Variants in NR2C2 observed in about 807,000 individuals in gnomAD.
The protein encoded by NR2C2 is Nuclear hormone receptor TR4.
NR2C2 carries 6 observed loss-of-function variants against 62.9 expected under a neutral mutation model. That is an observed-to-expected ratio of 0.10 (90% CI 0.05 to 0.19). The LOEUF (loss-of-function observed/expected upper bound fraction) is 0.19. Ranked by LOEUF, NR2C2 falls within the 10% of genes least tolerant of loss-of-function variation. The pLI is 1.00. For synonymous variants in NR2C2, 272 were observed against 273.8 expected (o/e 0.99, Z 0.07); for missense variants, 479 against 762.7 (o/e 0.63, Z 4.38).
intron 1 of NR2C2, among the ~76,000 whole-genome samples, chr3:14,964,503 CTATTTTATATTTTT>C (rs756707274): frequency 2.2e-4 from 34 of 151,594 alleles, no homozygotes; most frequent in Admixed American, 1.3e-3. Flanking sequence ...TTTTTATTTT[CTATTTTATATTTTT>C]TATTTTTTAT....
chr3:14,992,408 G>A (rs2040697230), intron 1 of NR2C2, among the ~76,000 whole-genome samples: 1 of 152,160 alleles, frequency 6.6e-6, no homozygotes, highest in Non-Finnish European at 1.5e-5. Flanking sequence ...GTAGAGTAAA[G>A]CAAAGCAAAG....
chr3:15,026,655 T>C (rs1057237347), intron 7 of NR2C2: 3 of 152,210 alleles, frequency 2.0e-5, no homozygotes, highest in African/African-American at 4.8e-5. Flanking sequence ...CATCATGATA[T>C]AGCATGTATC....
At chr3:15,030,029 A>C (rs1025941348) in intron 8 of NR2C2, among the ~76,000 whole-genome samples, 1 of 152,082 alleles carries the variant, frequency 6.6e-6, no homozygotes, top group Non-Finnish European at 1.5e-5. Flanking sequence ...TAATACATAC[A>C]AGTTTTCATT....
Position 15,029,832 on chromosome 3 carries a change from GATAGATAGAT to G in NR2C2, c.933-433_933-424del, listed in dbSNP as rs1178726820. 7.3e-3 allele frequency among the ~76,000 whole-genome samples: 911 copies of G among 124,468 alleles called. 13 individuals are homozygous for G. Among genetic ancestry groups the G allele is most frequent in the African/African-American group, 0.028 (815 of 28,954 alleles). The allele number at this position is 124,468 out of a possible 152,430, so 81.7% of individuals were successfully genotyped here. The stretch of plus-strand genomic sequence containing the variant: ...AGATAGATAGATAGATAGATAGATA[GATAGATAGAT>G]ATAGATAGACCCCATCTCTGAAAGA... On this transcript the variant is annotated intron_variant, in intron 8 of 13. Coordinates refer to ENST00000425241, the MANE Select transcript of NR2C2 (RefSeq NM_001291694.2).
chr3:14,958,876 T>G (rs1400288467), intron 1 of NR2C2, among the ~76,000 whole-genome samples: 1 of 152,228 alleles, frequency 6.6e-6, no homozygotes, highest in Admixed American at 6.5e-5. Context: ...CTGGGGAGGC[T>G]GAGGCAGGAG....
intron 4 of NR2C2, among the ~76,000 whole-genome samples, 167 bp downstream of exon 4, chr3:15,016,421 T>C (rs1042392514): frequency 2.6e-5 from 4 of 152,184 alleles, no homozygotes; most frequent in East Asian, 3.8e-4. Flanking sequence ...ATAAGTAAGG[T>C]AGTTTGTCAG....
At chr3:14,977,740 G>A (rs2040247468) in intron 1 of NR2C2, among the ~76,000 whole-genome samples, 1 of 151,954 alleles carries the variant, frequency 6.6e-6, no homozygotes, top group African/African-American at 2.4e-5. Flanking sequence ...CGAGGCGGGC[G>A]GATTGCCTGA....
chr3:14,973,612 T>C (rs1463771727), intron 1 of NR2C2, among the ~76,000 whole-genome samples: 1 of 151,684 alleles, frequency 6.6e-6, no homozygotes, highest in Non-Finnish European at 1.5e-5. Context: ...TATACGGTAT[T>C]GTATAAGGAG....
At chr3:14,979,358 A>C (rs1479564728) in intron 1 of NR2C2, among the ~76,000 whole-genome samples, 1 of 152,230 alleles carries the variant, frequency 6.6e-6, no homozygotes, top group Non-Finnish European at 1.5e-5. Context: ...CCATTCAGCA[A>C]CTGTTTAAGG....
At chr3:14,994,427 T>A (rs148020387) in intron 1 of NR2C2, among the ~76,000 whole-genome samples, 7 of 149,608 alleles carry the variant, frequency 4.7e-5, no homozygotes, top group Non-Finnish European at 8.9e-5. Flanking sequence ...TCGTTGTTGT[T>A]GTTTATTCAT....
intron 8 of NR2C2, among the ~76,000 whole-genome samples, chr3:15,028,974 A>C (rs2041895991): frequency 6.6e-6 from 1 of 152,202 alleles, no homozygotes; most frequent in Non-Finnish European, 1.5e-5. Flanking sequence ...AAATCAGTAG[A>C]CATAGGAGGA....
chr3:15,001,318 GTTTT>G (rs61017075), intron 1 of NR2C2, among the ~76,000 whole-genome samples: 158 of 97,512 alleles, frequency 1.6e-3, no homozygotes, highest in Middle Eastern at 8.3e-3. Flanking sequence ...TTTGTTTTGG[GTTTT>G]TTTTTTTTTT....
Position 15,014,638 on chromosome 3 carries a change from T to A in NR2C2, c.273+849T>A, listed in dbSNP as rs141026812. Among the ~76,000 whole-genome samples the A allele has an allele frequency of 2.4e-3, 362 of 152,244 alleles. 1 individual carries two copies. The highest frequency in any genetic ancestry group is 3.5e-3 in the Non-Finnish European group (236 of 68,014). On this transcript the variant is annotated intron_variant, in intron 3 of 13. Coordinates refer to ENST00000425241, the MANE Select transcript of NR2C2 (RefSeq NM_001291694.2). ...AAGCTGAAACTCTGTACTCATTGAA[T>A]AGTAACTCTCCTCTCCCCCTCCCCC...
chr3:14,996,119 T>G (rs1481262218), intron 1 of NR2C2, among the ~76,000 whole-genome samples: 1 of 152,238 alleles, frequency 6.6e-6, no homozygotes, highest in East Asian at 1.9e-4. Flanking sequence ...TTGTATCAGT[T>G]TTCTTTTTCA....
chr3:15,038,942 C>T, intron 12 of NR2C2, 180 bp from the exon 13 acceptor site: 3 of 595,664 alleles, frequency 5.0e-6, no homozygotes, highest in Non-Finnish European at 9.0e-6. Context: ...GAACTTCAGG[C>T]CTGGGCAGAA....
intron 1 of NR2C2, among the ~76,000 whole-genome samples, chr3:14,965,418 T>G (rs778780461): frequency 5.3e-5 from 8 of 150,992 alleles, no homozygotes; most frequent in Admixed American, 2.7e-4. Flanking sequence ...GTTCTTTGTA[T>G]GCATTCAAGA....
intron 9 of NR2C2, among the ~76,000 whole-genome samples, chr3:15,031,736 A>ATT (rs879807168): frequency 6.9e-6 from 1 of 145,952 alleles, no homozygotes; most frequent in Non-Finnish European, 1.5e-5. Flanking sequence ...TGTTACCCAG[A>ATT]TTTTTTTTTT....
intron 1 of NR2C2, among the ~76,000 whole-genome samples, chr3:14,974,101 C>T (rs1183744665): frequency 2.0e-5 from 3 of 152,142 alleles, no homozygotes; most frequent in Admixed American, 6.6e-5. Flanking sequence ...CTCCCCAATG[C>T]CCCCTTCCCC....
chr3:14,970,807 G>GAGTCCCTGCTTTC (rs1391819765), intron 1 of NR2C2, among the ~76,000 whole-genome samples: 1 of 152,196 alleles, frequency 6.6e-6, no homozygotes, highest in Admixed American at 6.5e-5. Flanking sequence ...CAAGTATCTT[G>GAGTCCCTGCTTTC]AGTCCCTGCT....
Sources: allele counts gnomAD v4.1 joint callset (sites outside exome capture counted in the v4.1 genomes callset), GRCh38; gene constraint gnomAD v4.1.1; transcripts MANE v1.5; gene names NCBI Gene and HGNC (gene_info 2026-07-23, HGNC 2026-07-21).